NXN: variants seen among roughly 807,000 people sequenced by gnomAD.
The protein encoded by NXN is nucleoredoxin 1.
A neutral mutation model predicts 48.6 loss-of-function variants in NXN; 16 were observed. The observed-to-expected ratio is 0.33, with a 90% CI of 0.22 to 0.50. NXN has a LOEUF of 0.50. NXN is among the 20% of genes least tolerant of loss of function. NXN has a pLI of 0.98. For missense variants in NXN, 492 were observed against 605.5 expected (o/e 0.81, Z 1.97); for synonymous variants, 281 against 269.6 (o/e 1.04, Z -0.41).
chr17:901,257 T>C (rs924742432), intron 1 of NXN, among the ~76,000 whole-genome samples: 1 of 151,720 alleles, frequency 6.6e-6, no homozygotes, highest in South Asian at 2.1e-4. Context: ...CCAAAACCCC[T>C]CTGAGCCTCA....
chr17:855,217 G>A (rs748590828), intron 1 of NXN, among the ~76,000 whole-genome samples: 1 of 152,174 alleles, frequency 6.6e-6, no homozygotes, highest in Non-Finnish European at 1.5e-5. Flanking sequence ...TTTTGAGGCT[G>A]CAGTGAGCTC....
chr17:807,112 C>T (rs565719596), intron 5 of NXN, among the ~76,000 whole-genome samples: 65 of 152,290 alleles, frequency 4.3e-4, no homozygotes, highest in African/African-American at 1.4e-3. Context: ...GGTCCATGCC[C>T]GCTGTGTCCA....
At chr17:925,970 A>G (rs925279297) in intron 1 of NXN, among the ~76,000 whole-genome samples, 8 of 152,094 alleles carry the variant, frequency 5.3e-5, no homozygotes, top group African/African-American at 1.7e-4. Context: ...CCCTGATATC[A>G]CCAATAGTAG....
intron 1 of NXN, among the ~76,000 whole-genome samples, chr17:961,953 G>C (rs146171998): frequency 6.6e-6 from 1 of 152,094 alleles, no homozygotes; most frequent in African/African-American, 2.4e-5. Flanking sequence ...TGACCAACAT[G>C]GTGAAACCTC....
At chr17:808,353 A>C (rs1026742535) in intron 5 of NXN, among the ~76,000 whole-genome samples, 3 of 148,614 alleles carry the variant, frequency 2.0e-5, no homozygotes, top group African/African-American at 7.5e-5. Context: ...CCCAGGCTGG[A>C]GTGCAGTGGC....
intron 5 of NXN, among the ~76,000 whole-genome samples, chr17:811,636 C>T (rs1912015630): frequency 6.6e-6 from 1 of 152,156 alleles, no homozygotes; most frequent in Non-Finnish European, 1.5e-5. Context: ...CGGCTCAGCC[C>T]AGGGCACCGA....
chr17:850,813 T>C (rs1045175074), intron 1 of NXN, among the ~76,000 whole-genome samples: 5 of 152,106 alleles, frequency 3.3e-5, no homozygotes, highest in African/African-American at 1.2e-4. Flanking sequence ...GGCAGTTCAA[T>C]GAGGGGGCTG....
chr17:827,205 G>T (rs949418817), intron 1 of NXN, among the ~76,000 whole-genome samples: 1 of 152,152 alleles, frequency 6.6e-6, no homozygotes, highest in Non-Finnish European at 1.5e-5. Flanking sequence ...TTAGCTGGGC[G>T]TGGTGGCTCA....
intron 1 of NXN, among the ~76,000 whole-genome samples, chr17:967,967 G>A (rs547389020): frequency 2.6e-4 from 39 of 149,768 alleles, no homozygotes; most frequent in South Asian, 6.3e-4. Context: ...GCGAGACTCC[G>A]TCTCAAAAAA....
intron 5 of NXN, among the ~76,000 whole-genome samples, chr17:812,813 TGTGTGTGC>T (rs1473906756): frequency 6.9e-6 from 1 of 145,314 alleles, no homozygotes; most frequent in Non-Finnish European, 1.5e-5. Flanking sequence ...TGAGTGTAGG[TGTGTGTGC>T]GAGTGTGCAT....
At chr17:918,747 C>G (rs1220391801) in intron 1 of NXN, among the ~76,000 whole-genome samples, 1 of 133,244 alleles carries the variant, frequency 7.5e-6, no homozygotes, top group African/African-American at 2.9e-5. Context: ...GAGCTGAGAT[C>G]GCGCCACCGC....
intron 1 of NXN, among the ~76,000 whole-genome samples, chr17:843,064 A>AAAGAAAGCAAGC (rs1247377678): frequency 5.1e-5 from 7 of 138,128 alleles, no homozygotes; most frequent in African/African-American, 1.9e-4. Flanking sequence ...AAGAAGGAAG[A>AAAGAAAGCAAGC]AAGCAAGCAA....
chr17:885,672 CTTTTTTTTTTTTT>C (rs532225883), intron 1 of NXN, among the ~76,000 whole-genome samples: 144 of 83,756 alleles, frequency 1.7e-3, no homozygotes, highest in Middle Eastern at 7.2e-3. Flanking sequence ...GCGGTACTCG[CTTTTTTTTTTTTT>C]TTTTTTTTTT....
At chr17:922,944 G>A (rs1226086506) in intron 1 of NXN, among the ~76,000 whole-genome samples, 8 of 150,570 alleles carry the variant, frequency 5.3e-5, no homozygotes, top group African/African-American at 1.2e-4. Context: ...GAGCCACCAC[G>A]CCCGGCCCAC....
intron 7 of NXN, among the ~76,000 whole-genome samples, chr17:803,180 A>G (rs545868870): frequency 6.4e-4 from 97 of 152,284 alleles, no homozygotes; most frequent in South Asian, 2.1e-3. Context: ...GGAGACCTCA[A>G]AGGGACAGCC....
chr17:829,458 C>CT (rs34243095), intron 1 of NXN, among the ~76,000 whole-genome samples: 51,843 of 140,968 alleles, frequency 0.37, 9,508 homozygotes, highest in East Asian at 0.51. Context: ...CTCGGACTAT[C>CT]TTTTTTTTTT....
At chr17:841,320 T>C (rs1392791939) in intron 1 of NXN, among the ~76,000 whole-genome samples, 1 of 152,152 alleles carries the variant, frequency 6.6e-6, no homozygotes, top group Admixed American at 6.5e-5. Context: ...TAGATGGTGA[T>C]GAGACCATCC....
intron 3 of NXN, among the ~76,000 whole-genome samples, chr17:823,024 C>T (rs1040904364): frequency 4.6e-5 from 7 of 151,772 alleles, no homozygotes; most frequent in African/African-American, 1.7e-4. Context: ...CACTTGAACC[C>T]GGGAGACAGA....
intron 1 of NXN, among the ~76,000 whole-genome samples, chr17:838,411 C>T (rs965246417): frequency 9.9e-5 from 15 of 152,106 alleles, no homozygotes; most frequent in African/African-American, 2.9e-4. Context: ...GGATTACAGG[C>T]GTGAGCCACC....
Sources: allele counts gnomAD v4.1 joint callset (sites outside exome capture counted in the v4.1 genomes callset), GRCh38; gene constraint gnomAD v4.1.1; transcripts MANE v1.5; gene names NCBI Gene and HGNC (gene_info 2026-07-23, HGNC 2026-07-21).